PSMD1: variants seen among roughly 807,000 people sequenced by gnomAD.
PSMD1 encodes the protein 26S proteasome non-ATPase regulatory subunit 1.
PSMD1 carries 18 observed loss-of-function variants against 119.0 expected under a neutral mutation model. The observed-to-expected ratio is 0.15, with a 90% CI of 0.10 to 0.22. The LOEUF is 0.22. Among genes scored for constraint, PSMD1 ranks in the 10% least tolerant of loss-of-function variants. The probability of loss-of-function intolerance (pLI) is 1.00; values close to 1 mark genes in which losing one functional copy is unlikely to be tolerated. For missense variants in PSMD1, 702 were observed against 1,158.5 expected (o/e 0.61, Z 5.72); for synonymous variants, 374 against 396.6 (o/e 0.94, Z 0.68).
intron 16 of PSMD1, chr2:231,108,381 C>G: frequency 1.5e-6 from 1 of 678,218 alleles, no homozygotes; most frequent in Non-Finnish European, 2.5e-6. Flanking sequence ...ATTAGATATT[C>G]TTAATACTTA....
At chr2:231,087,037 G>C in intron 15 of PSMD1, 80 bp from the exon 16 acceptor site, 20 of 1,161,132 alleles carry the variant, frequency 1.7e-5, no homozygotes, top group Non-Finnish European at 2.5e-5. Context: ...ACTCACTGTT[G>C]AATGATGCTG....
intron 16 of PSMD1, among the ~76,000 whole-genome samples, chr2:231,087,806 C>T (rs1694488830): frequency 6.6e-6 from 1 of 151,970 alleles, no homozygotes; most frequent in South Asian, 2.1e-4. Flanking sequence ...ACTAAAAATA[C>T]AAAAAATTAG....
intron 16 of PSMD1, among the ~76,000 whole-genome samples, chr2:231,089,593 G>C (rs1430583550): frequency 6.9e-6 from 1 of 145,652 alleles, no homozygotes; most frequent in African/African-American, 2.7e-5. Flanking sequence ...AGAATTAATA[G>C]GATATATATA....
intron 16 of PSMD1, among the ~76,000 whole-genome samples, chr2:231,102,687 G>C (rs1237506641): frequency 6.6e-6 from 1 of 151,906 alleles, no homozygotes; most frequent in African/African-American, 2.4e-5. Context: ...GGAGAGGTTG[G>C]TCTTGCTGTC....
intron 19 of PSMD1, among the ~76,000 whole-genome samples, chr2:231,160,155 A>G (rs1053154853): frequency 3.3e-5 from 5 of 152,176 alleles, no homozygotes; most frequent in African/African-American, 1.2e-4. Context: ...ATTCCTTTAC[A>G]TATTGTGTTT....
chr2:231,056,949 G>C lies in PSMD1; in HGVS notation c.-77G>C. ...GGGGAGCAAGGAGGCGCGGTGAACT[G>C]AGCGGCCCCTGAGCTGACAGATACA... is the stretch of plus-strand genomic sequence containing the variant. On this transcript the variant is annotated 5_prime_UTR_variant, in exon 1 of 25. Transcript: ENST00000308696. The C allele has an allele frequency of 6.5e-7, 1 of 1,531,094 alleles. No homozygotes were observed. The highest frequency in any genetic ancestry group is 8.8e-7 in the Non-Finnish European group (1 of 1,138,874). 94.8% of individuals were successfully genotyped at this position (1,531,094 alleles called of 1,614,324 possible).
At chr2:231,071,761 A>G (rs921157659) in intron 6 of PSMD1, among the ~76,000 whole-genome samples, 2 of 152,178 alleles carry the variant, frequency 1.3e-5, no homozygotes, top group Non-Finnish European at 2.9e-5. Context: ...ATGCTTCAAA[A>G]TGGTAATTTT....
intron 1 of PSMD1, among the ~76,000 whole-genome samples, chr2:231,058,334 C>A (rs886270026): frequency 2.1e-4 from 32 of 152,252 alleles, no homozygotes; most frequent in Middle Eastern, 3.4e-3. Flanking sequence ...TGTTTTCGAC[C>A]ATTACCTCCG....
chr2:231,150,173 G>A (rs1194317977), intron 18 of PSMD1, among the ~76,000 whole-genome samples: 21 of 151,682 alleles, frequency 1.4e-4, no homozygotes, highest in African/African-American at 3.9e-4. Context: ...GCGAAACCCC[G>A]TCTCTACTAA....
rs1244391877 is a variant in PSMD1, at chr2:231,080,246, A to G, written c.1345A>G (p.Ile449Val). Reference protein sequence around the residue: ...EGGGLYALGLIHANHGGDIID... With the variant: ...EGGGLYALGLVHANHGGDIID... ...TGGAGGTCTCTATGCACTAGGTCTTATTCATGCCAATCATGGTGGTGATAT... is the reference window on the plus strand; with the variant it reads ...TGGAGGTCTCTATGCACTAGGTCTTGTTCATGCCAATCATGGTGGTGATAT... Residue 449 changes from isoleucine to valine, a missense_variant, in exon 12 of 25, where the codon ATT becomes GTT. Around this residue, in one of 9 missense-constraint regions of PSMD1, gnomAD observed 272 missense variants for 511.6 expected, o/e 0.53. Transcript: ENST00000308696. The G allele has an allele frequency of 1.9e-6, 3 of 1,613,160 alleles. No individual in the cohort carries two copies. Among genetic ancestry groups the G allele is most frequent in the Non-Finnish European group, 2.5e-6 (3 of 1,179,138 alleles).
intron 17 of PSMD1, among the ~76,000 whole-genome samples, chr2:231,143,980 G>T (rs888035434): frequency 6.6e-6 from 1 of 151,954 alleles, no homozygotes; most frequent in African/African-American, 2.4e-5. Flanking sequence ...GGAAAATTTT[G>T]GGTTTTTTGT....
At chr2:231,058,132 C>G (rs568503653) in intron 1 of PSMD1, among the ~76,000 whole-genome samples, 1 of 152,286 alleles carries the variant, frequency 6.6e-6, no homozygotes, top group South Asian at 2.1e-4. Flanking sequence ...TACAAGTGAT[C>G]GCGAGATGAA....
chr2:231,103,853 C>T (rs1049640954), intron 16 of PSMD1, among the ~76,000 whole-genome samples: 8 of 152,156 alleles, frequency 5.3e-5, no homozygotes. Context: ...TTCCTGTTAT[C>T]TTAGCATATC....
intron 1 of PSMD1, among the ~76,000 whole-genome samples, chr2:231,059,313 G>A (rs1693698707): frequency 6.6e-6 from 1 of 152,206 alleles, no homozygotes; most frequent in African/African-American, 2.4e-5. Context: ...TATGGCTCAT[G>A]TTGGCTTAGA....
Position 231,170,747 on chromosome 2 carries a change from G to A in PSMD1, c.*9+26G>A. ...GTGCGTGTGCAACAAAATTATGAAGGGAAACTTCTTTGTCAATACTTCACA... is the reference window on the plus strand; with the variant it reads ...GTGCGTGTGCAACAAAATTATGAAGAGAAACTTCTTTGTCAATACTTCACA... On this transcript the variant is annotated intron_variant, in intron 24 of 24. Transcript: ENST00000308696. This position sits in a 1 kb window ranked among gnomAD's most constrained non-coding sequence, Gnocchi z 4.1. 1 of 1,539,462 alleles carries A rather than the reference G, an allele frequency of 6.5e-7. No individual in the cohort carries two copies. Among genetic ancestry groups the A allele is most frequent in the Non-Finnish European group, 8.8e-7 (1 of 1,142,334 alleles).
chr2:231,126,459 GGAAAA>G (rs962669074), intron 16 of PSMD1, among the ~76,000 whole-genome samples: 1 of 151,718 alleles, frequency 6.6e-6, no homozygotes, highest in African/African-American at 2.4e-5. Flanking sequence ...AAAAAAAAGA[GGAAAA>G]GAAATTATTT....
At chr2:231,106,462 A>G (rs1694976611) in intron 16 of PSMD1, among the ~76,000 whole-genome samples, 1 of 152,110 alleles carries the variant, frequency 6.6e-6, no homozygotes, top group South Asian at 2.1e-4. Flanking sequence ...TACTGAAAAT[A>G]CAAAAGTTAG....
Position 231,062,544 on chromosome 2 carries a change from A to G in PSMD1, c.173A>G (p.Gln58Arg), listed in dbSNP as rs1329290182. ...GAAGATGAAGGTTTCCGGAGTCGGC[A>G]GTTTGCAGCCTTAGTGGCATCTAAA... Reference protein sequence around the residue: ...LYEDEGFRSRQFAALVASKVF... With the variant: ...LYEDEGFRSRRFAALVASKVF... Residue 58 changes from glutamine to arginine, a missense_variant, in exon 4 of 25, where the codon CAG becomes CGG. This residue lies in a region of PSMD1 where 60 missense variants were observed against 118.2 expected (regional missense o/e 0.51). Coordinates refer to ENST00000308696, the MANE Select transcript of PSMD1 (RefSeq NM_002807.4). The G allele has an allele frequency of 6.2e-7, 1 of 1,604,654 alleles. No individual in the cohort carries two copies. Among genetic ancestry groups the G allele is most frequent in the African/African-American group, 1.4e-5 (1 of 74,046 alleles).
At chr2:231,168,278 T>C (rs1337027885) in intron 23 of PSMD1, among the ~76,000 whole-genome samples, 1 of 152,150 alleles carries the variant, frequency 6.6e-6, no homozygotes, top group Non-Finnish European at 1.5e-5. Flanking sequence ...AAGTTAAATG[T>C]AGTCTTATCA....
Sources: allele counts gnomAD v4.1 joint callset (sites outside exome capture counted in the v4.1 genomes callset), GRCh38; gene constraint gnomAD v4.1.1; regional missense constraint gnomAD v4.1.1; non-coding constraint Gnocchi (gnomAD v3.1); transcripts MANE v1.5; gene names NCBI Gene and HGNC (gene_info 2026-07-23, HGNC 2026-07-21).